CDYL: variants seen among roughly 807,000 people sequenced by gnomAD.
CDYL encodes chromodomain Y-like protein.
CDYL carries 8 observed loss-of-function variants against 47.3 expected under a neutral mutation model. The observed-to-expected ratio is 0.17, with a 90% CI of 0.10 to 0.31. CDYL has a LOEUF of 0.31. Among genes scored for constraint, CDYL ranks in the 10% least tolerant of loss-of-function variants. The pLI is 1.00. For missense variants in CDYL, 471 were observed against 701.4 expected (o/e 0.67, Z 3.71); for synonymous variants, 266 against 265.0 (o/e 1.00, Z -0.04).
intron 1 of CDYL, among the ~76,000 whole-genome samples, chr6:4,873,696 A>C (rs1057404949): frequency 7.2e-5 from 11 of 152,230 alleles, no homozygotes; most frequent in African/African-American, 2.2e-4. Context: ...ACCTGCTTGA[A>C]GAATAAATGG....
intron 1 of CDYL, among the ~76,000 whole-genome samples, chr6:4,851,744 G>A (rs943545998): frequency 6.6e-6 from 1 of 152,182 alleles, no homozygotes; most frequent in East Asian, 1.9e-4. Flanking sequence ...AGTCATTCAG[G>A]CTTTGTCAGC....
chr6:4,725,316 C>T (rs937252471), intron 2 of CDYL, among the ~76,000 whole-genome samples: 7 of 152,384 alleles, frequency 4.6e-5, no homozygotes, highest in South Asian at 2.1e-4. Flanking sequence ...GCCAGTCCTG[C>T]GCCTGTGCGC....
rs567184791 is a variant in CDYL, at chr6:4,821,741, A to G, written c.24+44934A>G. On this transcript the variant is annotated intron_variant, in intron 1 of 6. Transcript: ENST00000397588. Reference sequence around the variant, plus strand: ...CTAGAGCAAGACTGTATCTCGGGGGAAAAAAAAAAAGCGATCCTTGGGTTT... The same window carrying G: ...CTAGAGCAAGACTGTATCTCGGGGGGAAAAAAAAAAGCGATCCTTGGGTTT... Among the ~76,000 whole-genome samples the G allele has an allele frequency of 2.8e-3, 378 of 136,646 alleles. 1 individual carries two copies. The highest frequency in any genetic ancestry group is 8.4e-3 in the African/African-American group (298 of 35,636). The allele number at this position is 136,646 out of a possible 152,430, so 89.6% of individuals were successfully genotyped here.
chr6:4,852,881 C>T (rs1760893714), intron 1 of CDYL, among the ~76,000 whole-genome samples: 1 of 151,914 alleles, frequency 6.6e-6, no homozygotes, highest in Non-Finnish European at 1.5e-5. Context: ...TCACTGCAGC[C>T]TCGAGCTCCT....
chr6:4,873,023 T>G (rs1243548885), intron 1 of CDYL, among the ~76,000 whole-genome samples: 4 of 152,224 alleles, frequency 2.6e-5, no homozygotes. Flanking sequence ...TATGAATATG[T>G]TTTTGTAGTT....
At chr6:4,920,392 GC>G (rs1010273733) in intron 2 of CDYL, among the ~76,000 whole-genome samples, 8 of 152,146 alleles carry the variant, frequency 5.3e-5, no homozygotes, top group African/African-American at 1.9e-4. Flanking sequence ...TGAAAAATAT[GC>G]ATATACAATA....
At chr6:4,818,355 A>T (rs909851837) in intron 1 of CDYL, among the ~76,000 whole-genome samples, 3 of 152,182 alleles carry the variant, frequency 2.0e-5, no homozygotes, top group Non-Finnish European at 4.4e-5. Context: ...CTTTCTAAGA[A>T]AGATTGTTTC....
chr6:4,807,051 G>A (rs539496934), intron 1 of CDYL, among the ~76,000 whole-genome samples: 6 of 152,254 alleles, frequency 3.9e-5, no homozygotes, highest in Non-Finnish European at 7.4e-5. Flanking sequence ...TGCGTGCACC[G>A]GTGTCTGTGT....
chr6:4,729,718 G>C (rs1405001313), intron 2 of CDYL, among the ~76,000 whole-genome samples: 2 of 152,182 alleles, frequency 1.3e-5, no homozygotes, highest in African/African-American at 4.8e-5. Context: ...AGGAGTTTGA[G>C]ACCTGCCTGG....
intron 3 of CDYL, among the ~76,000 whole-genome samples, chr6:4,769,860 G>A (rs933536359): frequency 1.3e-5 from 2 of 152,084 alleles, no homozygotes; most frequent in Admixed American, 1.3e-4. Flanking sequence ...GCAGTGGCGC[G>A]ATCTCGGCTC....
chr6:4,739,912 C>T (rs11758042), intron 3 of CDYL, among the ~76,000 whole-genome samples: 12,106 of 151,450 alleles, frequency 0.08, 527 homozygotes, highest in African/African-American at 0.11. Context: ...AAGATCATGC[C>T]ATTGCACTCC....
chr6:4,897,515 G>A (rs1762317656), intron 2 of CDYL, among the ~76,000 whole-genome samples: 1 of 152,222 alleles, frequency 6.6e-6, no homozygotes, highest in South Asian at 2.1e-4. Context: ...GATTATCAGG[G>A]AAGTATAAGA....
chr6:4,709,999 TTGTC>T (rs1396242329), intron 1 of CDYL, among the ~76,000 whole-genome samples: 5 of 152,088 alleles, frequency 3.3e-5, no homozygotes, highest in Non-Finnish European at 7.4e-5. Flanking sequence ...GGCGGGCAGA[TTGTC>T]TGTGTTCAGG....
intron 1 of CDYL, among the ~76,000 whole-genome samples, chr6:4,800,658 A>G (rs745732897): frequency 6.6e-6 from 1 of 152,136 alleles, no homozygotes; most frequent in Non-Finnish European, 1.5e-5. Context: ...CCCTTATTTT[A>G]CCTTCATTTT....
chr6:4,722,082 T>C (rs1757381074), intron 2 of CDYL, among the ~76,000 whole-genome samples: 1 of 152,108 alleles, frequency 6.6e-6, no homozygotes, highest in Non-Finnish European at 1.5e-5. Context: ...CTCAAACTCC[T>C]GACCTTTTGA....
intron 1 of CDYL, among the ~76,000 whole-genome samples, chr6:4,788,464 CAG>C (rs1428687376): frequency 2.0e-5 from 2 of 101,046 alleles, no homozygotes; most frequent in Non-Finnish European, 3.6e-5. Context: ...GCCTGGGTGA[CAG>C]AGTGAGACTC....
intron 5 of CDYL, among the ~76,000 whole-genome samples, chr6:4,949,830 T>A (rs1016273106): frequency 6.6e-6 from 1 of 152,244 alleles, no homozygotes; most frequent in African/African-American, 2.4e-5. Flanking sequence ...CTTGGGTGAC[T>A]GTCGTTCAAA....
intron 2 of CDYL, among the ~76,000 whole-genome samples, chr6:4,910,466 G>A (rs1757377901): frequency 6.6e-6 from 1 of 152,222 alleles, no homozygotes; most frequent in Non-Finnish European, 1.5e-5. Flanking sequence ...TGCATACTAT[G>A]TGCCATGTCA....
chr6:4,889,663 T>C (rs1761987608), intron 1 of CDYL, among the ~76,000 whole-genome samples: 1 of 152,228 alleles, frequency 6.6e-6, no homozygotes, highest in Admixed American at 6.5e-5. Flanking sequence ...ATTCATTACA[T>C]ATTGTGTCTC....
Sources: allele counts gnomAD v4.1 joint callset (sites outside exome capture counted in the v4.1 genomes callset), GRCh38; gene constraint gnomAD v4.1.1; transcripts MANE v1.5; gene names NCBI Gene and HGNC (gene_info 2026-07-23, HGNC 2026-07-21).